Variants in ULK2 observed in about 807,000 individuals in gnomAD.
ULK2 encodes unc-51 like autophagy activating kinase 2, also known as serine/threonine-protein kinase ULK2.
A neutral mutation model predicts 127.5 loss-of-function variants in ULK2; 76 were observed. The observed-to-expected ratio is 0.60, with a 90% CI of 0.50 to 0.72. The LOEUF (loss-of-function observed/expected upper bound fraction) is 0.72. Ranked by LOEUF, ULK2 falls within the 30% of genes least tolerant of loss-of-function variation. The pLI is 0.00. For missense variants in ULK2, 1,144 were observed against 1,295.9 expected, an observed-to-expected ratio of 0.88 and a Z score of 1.80; for synonymous variants, 452 against 461.9, an observed-to-expected ratio of 0.98 and a Z score of 0.28.
chr17:19,803,540 C>G (rs1478823219), intron 15 of ULK2, among the ~76,000 whole-genome samples: 1 of 152,076 alleles, frequency 6.6e-6, no homozygotes, highest in Non-Finnish European at 1.5e-5. Context: ...CCTCATGGAC[C>G]CTCTGAAGGG....
chr17:19,772,074 C>T lies in ULK2; in HGVS notation c.*4275G>A, dbSNP rs1243171289. The T allele has an allele frequency of 6.6e-6, 1 of 152,436 alleles. No individual in the cohort carries two copies. The highest frequency in any genetic ancestry group is 2.4e-5 in the African/African-American group (1 of 41,472). The allele number at this position is 152,436 out of a possible 1,614,324, so 9.4% of individuals were successfully genotyped here. On this transcript the variant is annotated 3_prime_UTR_variant, in exon 27 of 27. Coordinates refer to ENST00000395544, the MANE Select transcript of ULK2 (RefSeq NM_014683.4). ...GGACCACATGTGCCCAGGGGCTCCACAGGGCTGGGTCCTGGCTCTGGCCAT... is the reference window on the plus strand; with the variant it reads ...GGACCACATGTGCCCAGGGGCTCCATAGGGCTGGGTCCTGGCTCTGGCCAT...
chr17:19,801,876 G>A lies in ULK2; in HGVS notation c.1342C>T (p.Arg448Trp), dbSNP rs769374105. 3.2e-5 allele frequency: 51 copies of A among 1,613,856 alleles called. 1 individual carries two copies. The highest frequency in any genetic ancestry group is 5.5e-5 in the South Asian group (5 of 91,032). ...GGTACTGGGGAGCATGATCCCGGCCGGAGGAAGCCCATGGGGCTGGTGTTG... is the reference window on the plus strand; with the variant it reads ...GGTACTGGGGAGCATGATCCCGGCCAGAGGAAGCCCATGGGGCTGGTGTTG... ...RSNTSPMGFL[R>W]PGSCSPVPAD... The change falls in exon 16 of 27, where the codon CGG becomes TGG. Residue 448 changes from arginine to tryptophan, a missense_variant. Physicochemically the swap from Arg to Trp is moderately radical, Grantham distance 101. Coordinates refer to ENST00000395544, the MANE Select transcript of ULK2 (RefSeq NM_014683.4).
intron 3 of ULK2, among the ~76,000 whole-genome samples, chr17:19,864,148 TA>T (rs1282174826): frequency 1.3e-5 from 2 of 151,682 alleles, no homozygotes; most frequent in Non-Finnish European, 2.9e-5. Context: ...CTCTACAAAA[TA>T]AAAAAAATGT....
chr17:19,784,565 G>T (rs907034415), intron 21 of ULK2, among the ~76,000 whole-genome samples: 3 of 120,414 alleles, frequency 2.5e-5, no homozygotes, highest in Non-Finnish European at 4.8e-5. Flanking sequence ...TTGCTGTTGC[G>T]CAGGCTGAAT....
intron 3 of ULK2, among the ~76,000 whole-genome samples, chr17:19,855,535 GGTT>G (rs2042107733): frequency 6.7e-6 from 1 of 150,318 alleles, no homozygotes; most frequent in Non-Finnish European, 1.5e-5. Context: ...GAGAGGCGGA[GGTT>G]GTAGTGAGCC....
At chr17:19,781,149 G>GT (rs2086910947) in intron 23 of ULK2, 45 bp from the exon 24 acceptor site, 1 of 1,552,476 alleles carries the variant, frequency 6.4e-7, no homozygotes, top group Non-Finnish European at 8.9e-7. Flanking sequence ...GTGAACTAAT[G>GT]TAAGATGTGG....
chr17:19,845,189 T>A, intron 7 of ULK2, 115 bp downstream of exon 7: 3 of 895,672 alleles, frequency 3.3e-6, no homozygotes, highest in Non-Finnish European at 5.1e-6. Flanking sequence ...ACATTAGTAA[T>A]AACAACTTGG....
At position 19,772,336 on chromosome 17, in the gene ULK2, G is replaced by T. The variant is rs2086747020; in HGVS notation, c.*4013C>A. 1 of 152,198 alleles carries T rather than the reference G, an allele frequency of 6.6e-6. No homozygotes were observed. Among genetic ancestry groups the T allele is most frequent in the Non-Finnish European group, 1.5e-5 (1 of 68,060 alleles). 9.4% of individuals were successfully genotyped at this position (152,198 alleles called of 1,614,324 possible). On this transcript the variant is annotated 3_prime_UTR_variant, in exon 27 of 27. Coordinates refer to ENST00000395544, the MANE Select transcript of ULK2 (RefSeq NM_014683.4). ...GTGGTTTCCTCTGATGCAGGTGAGG[G>T]AAGTATCATCTTGACTCCTCCACCA...
intron 15 of ULK2, among the ~76,000 whole-genome samples, chr17:19,802,300 T>A (rs1227507813): frequency 6.6e-6 from 1 of 152,204 alleles, no homozygotes; most frequent in Admixed American, 6.5e-5. Flanking sequence ...GTCCTGTTTA[T>A]ACTCTTAAAA....
chr17:19,820,205 C>A (rs543104618), intron 12 of ULK2, among the ~76,000 whole-genome samples: 1 of 152,074 alleles, frequency 6.6e-6, no homozygotes, highest in Admixed American at 6.6e-5. Flanking sequence ...CGCCCCACCA[C>A]GCCCAGCTAA....
intron 14 of ULK2, among the ~76,000 whole-genome samples, chr17:19,809,464 G>A (rs894703354): frequency 9.9e-5 from 15 of 152,086 alleles, no homozygotes; most frequent in African/African-American, 3.1e-4. Context: ...TGGGCACAGC[G>A]GCTCACAACT....
At chr17:19,807,345 T>C (rs1429641119) in intron 14 of ULK2, among the ~76,000 whole-genome samples, 2 of 152,008 alleles carry the variant, frequency 1.3e-5, no homozygotes, top group South Asian at 2.1e-4. Context: ...ATCAGAAGGG[T>C]AGAAATCCAC....
chr17:19,795,574 C>T (rs918558592), intron 20 of ULK2, 48 bp downstream of exon 20: 1 of 1,457,744 alleles, frequency 6.9e-7, no homozygotes, highest in African/African-American at 1.4e-5. Flanking sequence ...GAAACAAATG[C>T]ATATGCTAGC....
At chr17:19,832,479 G>A (rs571742012) in intron 10 of ULK2, among the ~76,000 whole-genome samples, 2 of 152,124 alleles carry the variant, frequency 1.3e-5, no homozygotes, top group African/African-American at 4.8e-5. Context: ...GCCCAGGCTG[G>A]TCTCAAACAC....
rs560582779 is a variant in ULK2 at position 19,797,702 on chromosome 17, A to G, written c.1523-20T>C. On this transcript the variant is annotated intron_variant, in intron 17 of 26. Transcript: ENST00000395544. ...GAGAACCTAACAAGAAAACAAATGT[A>G]ACATTAACCTGAAGTGAAGAAGTGC... is the stretch of plus-strand genomic sequence containing the variant. 4 of 1,471,142 alleles carry G rather than the reference A, an allele frequency of 2.7e-6. No homozygotes were observed. In the South Asian group the frequency reaches 5.9e-5, roughly 22 times the overall value. The allele number at this position is 1,471,142 out of a possible 1,614,324, so 91.1% of individuals were successfully genotyped here.
intron 21 of ULK2, among the ~76,000 whole-genome samples, chr17:19,784,921 C>A (rs899416378): frequency 6.6e-6 from 1 of 151,990 alleles, no homozygotes; most frequent in Non-Finnish European, 1.5e-5. Context: ...GGTTTTTAAT[C>A]GTCTTAAAAA....
intron 25 of ULK2, 117 bp downstream of exon 25, chr17:19,780,355 A>C (rs2086893117): frequency 3.2e-6 from 3 of 934,966 alleles, no homozygotes; most frequent in African/African-American, 1.7e-5. Context: ...GGCAATCCAC[A>C]ATACTTGGGA....
At chr17:19,837,191 G>A (rs960962558) in intron 10 of ULK2, among the ~76,000 whole-genome samples, 6 of 152,118 alleles carry the variant, frequency 3.9e-5, no homozygotes, top group Admixed American at 1.3e-4. Context: ...GCCAAGGTGG[G>A]TAGATCGCTT....
chr17:19,812,192 G>A (rs185600277), intron 13 of ULK2, among the ~76,000 whole-genome samples: 2 of 152,282 alleles, frequency 1.3e-5, no homozygotes, highest in African/African-American at 4.8e-5. Context: ...ACTAAAAGCA[G>A]GATTGATTGA....
Sources: allele counts gnomAD v4.1 joint callset (sites outside exome capture counted in the v4.1 genomes callset), GRCh38; gene constraint gnomAD v4.1.1; transcripts MANE v1.5; gene names NCBI Gene and HGNC (gene_info 2026-07-23, HGNC 2026-07-21).